The following CTTNBP2 variants were observed in gnomAD, a reference collection of about 807,000 sequenced individuals.
CTTNBP2 encodes the protein cortactin binding protein 2.
Under a neutral mutation model 156.9 loss-of-function variants are expected in CTTNBP2, and 108 were observed. The observed-to-expected ratio is 0.69, with a 90% CI of 0.59 to 0.81. The LOEUF is 0.81. CTTNBP2 is among the 30% of genes least tolerant of loss of function. The probability of loss-of-function intolerance (pLI) is 0.00; values close to 1 mark genes in which losing one functional copy is unlikely to be tolerated. For synonymous variants in CTTNBP2, 767 were observed against 751.8 expected, an observed-to-expected ratio of 1.02 and a Z score of -0.33; for missense variants, 1,924 against 2,035.4, an observed-to-expected ratio of 0.95 and a Z score of 1.05.
chr7:117,829,602 C>A (rs1026581633), intron 2 of CTTNBP2, among the ~76,000 whole-genome samples: 17 of 152,196 alleles, frequency 1.1e-4, no homozygotes, highest in Admixed American at 5.2e-4. Flanking sequence ...TCCACATATG[C>A]TCACGCCCTA....
chr7:117,777,214 G>T (rs968633185), intron 8 of CTTNBP2, among the ~76,000 whole-genome samples: 3 of 152,078 alleles, frequency 2.0e-5, no homozygotes, highest in African/African-American at 4.8e-5. Flanking sequence ...CAACCCAATG[G>T]ACTAAATCAA....
chr7:117,784,162 T>C (rs767656602), intron 5 of CTTNBP2, 89 bp downstream of exon 5: 2 of 962,174 alleles, frequency 2.1e-6, no homozygotes, highest in Non-Finnish European at 3.0e-6. Context: ...TAAAACTAAA[T>C]TGAACTTTCT....
chr7:117,779,616 G>A (rs1046674899), intron 7 of CTTNBP2, among the ~76,000 whole-genome samples: 8 of 151,378 alleles, frequency 5.3e-5, no homozygotes, highest in African/African-American at 1.9e-4. Context: ...TAAATAACAT[G>A]AAAAATATAA....
intron 10 of CTTNBP2, chr7:117,760,120 C>T (rs1045687063): frequency 3.4e-5 from 12 of 352,700 alleles, no homozygotes; most frequent in Admixed American, 4.2e-5. Context: ...TCAGTACTTG[C>T]GCAAAAGCAA....
At chr7:117,840,844 A>G (rs1338975262) in intron 2 of CTTNBP2, among the ~76,000 whole-genome samples, 1 of 152,200 alleles carries the variant, frequency 6.6e-6, no homozygotes, top group African/African-American at 2.4e-5. Context: ...CTCTGAAGGA[A>G]GAATGGGTCT....
At chr7:117,730,058 TGGATCTGATCCCCCACCTA>T (rs965584039) in intron 16 of CTTNBP2, among the ~76,000 whole-genome samples, 1 of 151,224 alleles carries the variant, frequency 6.6e-6, no homozygotes, top group African/African-American at 2.5e-5. Context: ...TTCAAGGTGC[TGGATCTGATCCCCCACCTA>T]GTATGTCCCC....
chr7:117,822,767 T>C (rs190515438), intron 2 of CTTNBP2, among the ~76,000 whole-genome samples: 2 of 152,334 alleles, frequency 1.3e-5, no homozygotes. Flanking sequence ...CAGCATATGG[T>C]CTACCTCAGT....
chr7:117,717,544 C>CCATCCTACTCTG (rs1236177086), intron 22 of CTTNBP2, among the ~76,000 whole-genome samples: 2 of 152,072 alleles, frequency 1.3e-5, no homozygotes, highest in African/African-American at 2.4e-5. Flanking sequence ...AAATCTTGCA[C>CCATCCTACTCTG]CATCCTACTC....
chr7:117,748,543 C>T (rs1376931885), intron 12 of CTTNBP2, among the ~76,000 whole-genome samples: 1 of 152,146 alleles, frequency 6.6e-6, no homozygotes, highest in African/African-American at 2.4e-5. Flanking sequence ...GTTAGTCTTG[C>T]ACAACACGCA....
chr7:117,725,075 T>A lies in CTTNBP2; in HGVS notation c.4238A>T (p.His1413Leu). ...ACCTGCTCTGGGGAGGGGACAGCCATGCAGTACAGCTTTATTTAGCAAGAT... is the reference window on the plus strand; with the variant it reads ...ACCTGCTCTGGGGAGGGGACAGCCAAGCAGTACAGCTTTATTTAGCAAGAT... ...LSILLNKAVL[H>L]GCPLPRAELD... Residue 1413 changes from histidine to leucine, a missense_variant, in exon 18 of 23, where the codon CAT (histidine) becomes CTT (leucine). Physicochemically the swap from His to Leu is moderately conservative, Grantham distance 99 (BLOSUM62 -3). Transcript: ENST00000160373. The A allele has an allele frequency of 6.2e-7, 1 of 1,612,612 alleles. No individual in the cohort carries two copies. Among genetic ancestry groups the A allele is most frequent in the Non-Finnish European group, 8.5e-7 (1 of 1,180,030 alleles).
chr7:117,833,006 C>T (rs778195552), intron 2 of CTTNBP2, among the ~76,000 whole-genome samples: 8 of 151,970 alleles, frequency 5.3e-5, no homozygotes, highest in African/African-American at 1.2e-4. Context: ...CCACCCACCT[C>T]GGCCTCCCAA....
intron 22 of CTTNBP2, chr7:117,714,047 GGAAAAAGGCTGAGCTAC>G (rs2116318891): frequency 6.6e-6 from 1 of 152,336 alleles, no homozygotes; most frequent in Non-Finnish European, 1.5e-5. Flanking sequence ...GAGGAAGCCT[GGAAAAAGGCTGAGCTAC>G]ATCTGGTGAG....
In CTTNBP2 at chr7:117,777,555, C is replaced by A; in HGVS notation, c.2734G>T (p.Glu912Ter). 6.2e-7 allele frequency: 1 copy of A among 1,613,836 alleles called. No homozygotes were observed. The highest frequency in any genetic ancestry group is 8.5e-7 in the Non-Finnish European group (1 of 1,179,898). Residue 912 changes from glutamate (E) to a stop codon, truncating the protein, a stop_gained, in exon 8 of 23, where the codon GAA becomes TAA. Transcript: ENST00000160373. LOFTEE classifies it high-confidence loss of function. ...GCAATGTGGGCAGCAGTCCAGCCTT[C>A]TCTGTTGGCGTGGTTAATGAGGTCT... ...PADLINHANR[E>*]GWTAAHIAAS...
chr7:117,758,534 T>C (rs1031276257), intron 10 of CTTNBP2, among the ~76,000 whole-genome samples: 2 of 152,152 alleles, frequency 1.3e-5, no homozygotes, highest in South Asian at 4.2e-4. Context: ...TAGGGGATGA[T>C]TGGTAATAAG....
chr7:117,872,389 A>C (rs1392344328), intron 1 of CTTNBP2, among the ~76,000 whole-genome samples: 1 of 152,174 alleles, frequency 6.6e-6, no homozygotes, highest in South Asian at 2.1e-4. Context: ...GATCTGGCCA[A>C]GAGTGGGAGG....
chr7:117,869,359 A>G (rs1185293224), intron 1 of CTTNBP2, among the ~76,000 whole-genome samples: 1 of 152,200 alleles, frequency 6.6e-6, no homozygotes, highest in African/African-American at 2.4e-5. Flanking sequence ...TCAACATTAA[A>G]TTTTATGACA....
At chr7:117,818,666 A>C (rs1347585021) in intron 2 of CTTNBP2, among the ~76,000 whole-genome samples, 1 of 152,194 alleles carries the variant, frequency 6.6e-6, no homozygotes, top group African/African-American at 2.4e-5. Context: ...TGGCTGAAGT[A>C]TTCAAAGAAC....
intron 2 of CTTNBP2, among the ~76,000 whole-genome samples, chr7:117,817,056 G>A (rs1563036919): frequency 1.3e-5 from 2 of 151,680 alleles, no homozygotes; most frequent in South Asian, 2.1e-4. Flanking sequence ...ATATAATTTC[G>A]GCCGGGTGTG....
At chr7:117,805,992 G>T (rs1232148392) in intron 3 of CTTNBP2, among the ~76,000 whole-genome samples, 1 of 152,176 alleles carries the variant, frequency 6.6e-6, no homozygotes, top group African/African-American at 2.4e-5. Context: ...CACATACTAA[G>T]TTAAAAAGGA....
Sources: gnomAD v4.1 joint callset for allele counts (sites outside exome capture counted in the v4.1 genomes callset) on GRCh38, gnomAD v4.1.1 for gene constraint, MANE v1.5 for transcripts, NCBI Gene and HGNC (gene_info 2026-07-23, HGNC 2026-07-21) for gene names.